The following LRRK1 variants were observed in gnomAD, a reference collection of about 807,000 sequenced individuals.
LRRK1 encodes the protein leucine-rich repeat serine/threonine-protein kinase 1.
A neutral mutation model predicts 209.1 loss-of-function variants in LRRK1; 113 were observed. The observed-to-expected ratio is 0.54, with a 90% CI of 0.46 to 0.63. The LOEUF is 0.63. Ranked by LOEUF, LRRK1 falls within the 30% of genes least tolerant of loss-of-function variation. LRRK1 has a pLI of 0.00. For synonymous variants in LRRK1, 1,144 were observed against 1,099.7 expected, an observed-to-expected ratio of 1.04 and a Z score of -0.80; for missense variants, 2,284 against 2,632.2, an observed-to-expected ratio of 0.87 and a Z score of 2.89.
chr15:101,058,180 G>A (rs1450486684), intron 29 of LRRK1, 39 bp downstream of exon 29: 5 of 1,604,852 alleles, frequency 3.1e-6, no homozygotes, highest in Non-Finnish European at 4.3e-6. Flanking sequence ...TTTGTATTTG[G>A]GGTGGGAGGC....
intron 26 of LRRK1, among the ~76,000 whole-genome samples, 171 bp from the exon 27 acceptor site, chr15:101,054,775 G>A (rs2035696001): frequency 6.6e-6 from 1 of 152,094 alleles, no homozygotes; most frequent in South Asian, 2.1e-4. Flanking sequence ...CCATGCCACT[G>A]CACTCCAGCC....
chr15:101,012,749 C>T (rs1444141443), intron 10 of LRRK1, among the ~76,000 whole-genome samples: 1 of 152,188 alleles, frequency 6.6e-6, no homozygotes, highest in Non-Finnish European at 1.5e-5. Flanking sequence ...GTGCGGCGAC[C>T]CCCACAAGGC....
chr15:101,057,009 C>A lies in LRRK1; in HGVS notation c.4486C>A (p.Gln1496Lys). Residue 1496 changes from glutamine to lysine, a missense_variant, in exon 28 of 34, where the codon CAG (glutamine) becomes AAG (lysine). Gln to Lys is a moderately conservative substitution (Grantham distance 53). Coordinates refer to ENST00000388948, the MANE Select transcript of LRRK1 (RefSeq NM_024652.6). ...GGAGGAAGTGCAGTTCCGGCGACTG[C>A]AGGCGCTCATGATGGAGTGCTGGGA... The part of the protein sequence containing the change: ...QPEEVQFRRL[Q>K]ALMMECWDTK... 1 of 1,613,562 alleles carries A rather than the reference C, an allele frequency of 6.2e-7. No individual in the cohort carries two copies. The highest frequency in any genetic ancestry group is 8.5e-7 in the Non-Finnish European group (1 of 1,179,714).
Position 100,924,613 on chromosome 15 carries a change from A to T in LRRK1, c.-20A>T. ...ACAACAGCGGGACCTGCCTTTGAAG[A>T]TCGGCTGCTGCAAGGGTTGATGGCT... On this transcript the variant is annotated 5_prime_UTR_variant, in exon 2 of 34. Coordinates refer to ENST00000388948, the MANE Select transcript of LRRK1 (RefSeq NM_024652.6). The T allele has an allele frequency of 1.2e-6, 2 of 1,612,968 alleles. No homozygotes were observed. The highest frequency in any genetic ancestry group is 1.7e-6 in the Non-Finnish European group (2 of 1,179,148).
intron 2 of LRRK1, among the ~76,000 whole-genome samples, chr15:100,969,855 A>G (rs1386286961): frequency 6.6e-6 from 1 of 151,524 alleles, no homozygotes. Flanking sequence ...ATAGTATTCT[A>G]TGGTGTATAT....
chr15:101,038,800 G>A (rs111425764), intron 20 of LRRK1, among the ~76,000 whole-genome samples: 28 of 152,198 alleles, frequency 1.8e-4, no homozygotes, highest in African/African-American at 5.1e-4. Flanking sequence ...TCTTGAAGCC[G>A]TCCCTCCCAG....
intron 12 of LRRK1, among the ~76,000 whole-genome samples, chr15:101,016,920 A>C (rs1304251966): frequency 6.6e-6 from 1 of 152,238 alleles, no homozygotes; most frequent in East Asian, 1.9e-4. Flanking sequence ...TGTGCTGGTC[A>C]CACAACAAGG....
intron 33 of LRRK1, chr15:101,067,342 C>G (rs2036588334): frequency 2.2e-6 from 1 of 455,526 alleles, no homozygotes; most frequent in African/African-American, 2.0e-5. Context: ...AGCTGCAGCT[C>G]CCCACAGTGT....
intron 6 of LRRK1, 114 bp from the exon 7 acceptor site, chr15:101,008,723 C>T: frequency 1.2e-6 from 1 of 803,806 alleles, no homozygotes; most frequent in East Asian, 2.7e-5. Flanking sequence ...TCTTGGGACC[C>T]GGGCTGGAGC....
At chr15:101,063,046 G>A (rs2036283231) in intron 31 of LRRK1, among the ~76,000 whole-genome samples, 1 of 152,146 alleles carries the variant, frequency 6.6e-6, no homozygotes, top group African/African-American at 2.4e-5. Flanking sequence ...GCCCAGGCCA[G>A]AGCCACCTCA....
In LRRK1 at chr15:100,989,480, A is replaced by G. The variant is rs189222854; in HGVS notation, c.762+82A>G. 3.0e-4 allele frequency: 426 copies of G among 1,416,120 alleles called. 5 individuals carry two copies. The East Asian group carries it at 5.5e-3, about 18-fold the overall frequency. The allele number at this position is 1,416,120 out of a possible 1,614,324, so 87.7% of individuals were successfully genotyped here. A position where few individuals can be genotyped will look rare whatever the true frequency, so the allele number is the denominator to read the frequency against. On this transcript the variant is annotated intron_variant, in intron 6 of 33. Transcript: ENST00000388948. ...AATCCTGCAGACTGGGTAATTTATAATAAACAGAAATATATTTGGCTTACA... is the reference window on the plus strand; with the variant it reads ...AATCCTGCAGACTGGGTAATTTATAGTAAACAGAAATATATTTGGCTTACA...
At chr15:101,005,585 G>C (rs2032907552) in intron 6 of LRRK1, among the ~76,000 whole-genome samples, 1 of 152,200 alleles carries the variant, frequency 6.6e-6, no homozygotes, top group Non-Finnish European at 1.5e-5. Flanking sequence ...CTCACACCCA[G>C]ATCTTGGTTT....
chr15:100,973,042 G>T (rs917495367), intron 2 of LRRK1, among the ~76,000 whole-genome samples: 2 of 152,188 alleles, frequency 1.3e-5, no homozygotes, highest in African/African-American at 2.4e-5. Flanking sequence ...GTGGAAGCTC[G>T]GGGAGGGCGA....
At chr15:101,021,343 TG>T (rs2033776211) in intron 13 of LRRK1, among the ~76,000 whole-genome samples, 161 bp downstream of exon 13, 1 of 151,518 alleles carries the variant, frequency 6.6e-6, no homozygotes. Flanking sequence ...ATCAAGGAGG[TG>T]GGGAGAGAGG....
At chr15:101,031,386 C>T (rs1245500511) in intron 20 of LRRK1, among the ~76,000 whole-genome samples, 1 of 152,184 alleles carries the variant, frequency 6.6e-6, no homozygotes, top group Non-Finnish European at 1.5e-5. Flanking sequence ...ATTGGCTTCT[C>T]GCACTAAACA....
chr15:101,052,773 C>G, intron 24 of LRRK1, 149 bp from the exon 25 acceptor site: 1 of 889,312 alleles, frequency 1.1e-6, no homozygotes, highest in South Asian at 1.8e-5. Flanking sequence ...TGCTCACCCA[C>G]AAGTGGCAGG....
chr15:101,027,677 G>A lies in LRRK1; in HGVS notation c.2566G>A (p.Ala856Thr). 6 of 1,613,210 alleles carry A rather than the reference G, an allele frequency of 3.7e-6. No individual in the cohort carries two copies. The highest frequency in any genetic ancestry group is 5.1e-6 in the Non-Finnish European group (6 of 1,179,728). Residue 856 changes from alanine (A) to threonine (T), a missense_variant, in exon 19 of 34, where the codon GCA (alanine) becomes ACA (threonine). Physicochemically the swap from Ala to Thr is moderately conservative, Grantham distance 58 (BLOSUM62 0). Transcript: ENST00000388948. The surrounding 1 kb of genome is among the most constrained non-coding windows in gnomAD (Gnocchi z 5.1). Reference sequence around the variant, plus strand: ...CCTGAGCCTGCAGGAGGCCGTGCTGGCAGAGCAGCAGCGCCGCAGCCGGGA... The same window carrying A: ...CCTGAGCCTGCAGGAGGCCGTGCTGACAGAGCAGCAGCGCCGCAGCCGGGA... Reference protein sequence around the residue: ...SYLSLQEAVLAEQQRRSRDDD... With the variant: ...SYLSLQEAVLTEQQRRSRDDD...
At chr15:100,996,743 T>A (rs12900607) in intron 6 of LRRK1, among the ~76,000 whole-genome samples, 22,246 of 152,248 alleles carry the variant, frequency 0.15, 1,912 homozygotes, top group African/African-American at 0.23. Context: ...TTCTCAGTCC[T>A]GTGTTCATGT....
chr15:101,066,499 G>A (rs1419260791), intron 32 of LRRK1, 141 bp from the exon 33 acceptor site: 1 of 834,930 alleles, frequency 1.2e-6, no homozygotes, highest in South Asian at 1.6e-5. Context: ...TTTGAAGTCT[G>A]TCCCCTCCCC....
Sources: allele counts gnomAD v4.1 joint callset (sites outside exome capture counted in the v4.1 genomes callset), GRCh38; gene constraint gnomAD v4.1.1; non-coding constraint Gnocchi (gnomAD v3.1); transcripts MANE v1.5; gene names NCBI Gene and HGNC (gene_info 2026-07-23, HGNC 2026-07-21).